Variants in WDR70 observed in about 807,000 individuals in gnomAD.
WDR70 encodes the protein WD repeat domain 70.
Under a neutral mutation model 88.6 loss-of-function variants are expected in WDR70, and 53 were observed. That is an observed-to-expected ratio of 0.60 (90% CI 0.48 to 0.75). The LOEUF (loss-of-function observed/expected upper bound fraction) is 0.75. WDR70 is among the 30% of genes least tolerant of loss of function. WDR70 has a pLI of 0.00. For missense variants in WDR70, 610 were observed against 823.2 expected (o/e 0.74, Z 3.17); for synonymous variants, 280 against 270.0 (o/e 1.04, Z -0.36).
chr5:37,729,631 A>G (rs147495383), intron 17 of WDR70, among the ~76,000 whole-genome samples: 2 of 152,180 alleles, frequency 1.3e-5, no homozygotes, highest in African/African-American at 4.8e-5. Flanking sequence ...GTTTGTTTAC[A>G]GTTCTTCTTG....
intron 9 of WDR70, among the ~76,000 whole-genome samples, chr5:37,528,593 C>T (rs937526503): frequency 4.0e-5 from 6 of 151,842 alleles, no homozygotes; most frequent in African/African-American, 1.5e-4. Context: ...CAAACCTGCA[C>T]GTTGTACACA....
chr5:37,392,880 C>T (rs1184260311), intron 4 of WDR70, among the ~76,000 whole-genome samples: 1 of 150,530 alleles, frequency 6.6e-6, no homozygotes, highest in African/African-American at 2.4e-5. Context: ...CTCCTGACCT[C>T]GTGATCTGCT....
intron 9 of WDR70, among the ~76,000 whole-genome samples, chr5:37,586,763 T>C (rs907703131): frequency 2.6e-4 from 39 of 152,166 alleles, no homozygotes; most frequent in Non-Finnish European, 8.8e-5. Context: ...TGCTGCCTAT[T>C]CTCTCAGTGT....
intron 9 of WDR70, among the ~76,000 whole-genome samples, chr5:37,557,959 T>TTTGAAAACTCTTCAAAAGAGC: frequency 2.0e-5 from 3 of 146,506 alleles, no homozygotes; most frequent in Non-Finnish European, 3.0e-5. Context: ...AAAAGAGTAT[T>TTTGAAAACTCTTCAAAAGAGC]ATGTATATTT....
intron 8 of WDR70, among the ~76,000 whole-genome samples, chr5:37,486,939 C>T (rs1420362314): frequency 6.6e-6 from 1 of 152,052 alleles, no homozygotes; most frequent in Non-Finnish European, 1.5e-5. Flanking sequence ...TTGAGAGTTT[C>T]TTTTGCTGTG....
chr5:37,705,774 GTT>G (rs767452575), intron 13 of WDR70, among the ~76,000 whole-genome samples: 10 of 152,188 alleles, frequency 6.6e-5, no homozygotes, highest in Non-Finnish European at 1.5e-4. Context: ...ACTGTGTTGA[GTT>G]TTAATTTGCA....
At chr5:37,567,591 G>A (rs952042003) in intron 9 of WDR70, among the ~76,000 whole-genome samples, 11 of 152,106 alleles carry the variant, frequency 7.2e-5, no homozygotes, top group African/African-American at 2.7e-4. Flanking sequence ...TGTGTCTCAT[G>A]GGCTTTTTCA....
At chr5:37,427,655 C>T (rs975451379) in intron 5 of WDR70, among the ~76,000 whole-genome samples, 4 of 152,016 alleles carry the variant, frequency 2.6e-5, no homozygotes, top group Non-Finnish European at 4.4e-5. Context: ...GTGGGTGGAT[C>T]GCTTGAGGAT....
At chr5:37,414,101 C>T (rs529889277) in intron 5 of WDR70, among the ~76,000 whole-genome samples, 16 of 146,492 alleles carry the variant, frequency 1.1e-4, no homozygotes, top group African/African-American at 2.5e-4. Flanking sequence ...GCCTTGATTG[C>T]GCATTGCACT....
chr5:37,385,946 G>A (rs1748600102), intron 3 of WDR70, among the ~76,000 whole-genome samples: 2 of 151,882 alleles, frequency 1.3e-5, no homozygotes, highest in East Asian at 3.9e-4. Context: ...TGGGACTATA[G>A]GTACCGGACA....
At chr5:37,543,859 C>T (rs1300454157) in intron 9 of WDR70, among the ~76,000 whole-genome samples, 2 of 152,174 alleles carry the variant, frequency 1.3e-5, no homozygotes, top group East Asian at 3.9e-4. Flanking sequence ...ACCTCCGCCT[C>T]CTGGGTTCAG....
chr5:37,486,896 T>G (rs986162055), intron 8 of WDR70, among the ~76,000 whole-genome samples: 2 of 152,064 alleles, frequency 1.3e-5, no homozygotes, highest in Non-Finnish European at 2.9e-5. Flanking sequence ...TTGCAAAAAT[T>G]TCTCCCATTC....
chr5:37,681,002 G>A lies in WDR70; in HGVS notation c.1093-16653G>A, dbSNP rs183763779. On this transcript the variant is annotated intron_variant, in intron 10 of 17. Transcript: ENST00000265107. ...TATCATTAGTAGTTTGATAGGAATA[G>A]CATTGAATCTGTAAATTGCTTTGGG... 1.4e-3 allele frequency among the ~76,000 whole-genome samples: 217 copies of A among 152,286 alleles called. 1 individual carries two copies. The highest frequency in any genetic ancestry group is 2.6e-3 in the Non-Finnish European group (179 of 68,030).
intron 9 of WDR70, among the ~76,000 whole-genome samples, chr5:37,526,511 G>C (rs974473533): frequency 2.6e-5 from 4 of 152,078 alleles, no homozygotes; most frequent in African/African-American, 4.8e-5. Flanking sequence ...TTATGACAAA[G>C]CCACAGCCAA....
At chr5:37,578,057 T>TA (rs5867354) in intron 9 of WDR70, among the ~76,000 whole-genome samples, 116,645 of 152,068 alleles carry the variant, frequency 0.77, 45,210 homozygotes, top group African/African-American at 0.88. Context: ...AAGGAATAGA[T>TA]GGTGAAGGAT....
chr5:37,692,450 G>A (rs1448015973), intron 10 of WDR70, among the ~76,000 whole-genome samples: 1 of 152,156 alleles, frequency 6.6e-6, no homozygotes, highest in Middle Eastern at 3.2e-3. Context: ...GATGAACGTT[G>A]ATGCAAAAAT....
chr5:37,432,563 ATT>A (rs148199087), intron 5 of WDR70, among the ~76,000 whole-genome samples: 37 of 140,722 alleles, frequency 2.6e-4, no homozygotes, highest in African/African-American at 6.3e-4. Flanking sequence ...TAATTTTTGT[ATT>A]TTTTTTTTTT....
At chr5:37,496,539 G>A (rs974753882) in intron 8 of WDR70, among the ~76,000 whole-genome samples, 2 of 152,242 alleles carry the variant, frequency 1.3e-5, no homozygotes, top group Non-Finnish European at 2.9e-5. Context: ...GTGAGACCAA[G>A]AACCCACCAG....
intron 3 of WDR70, among the ~76,000 whole-genome samples, chr5:37,384,660 CAA>C (rs70978807): frequency 2.9e-4 from 17 of 59,460 alleles, no homozygotes; most frequent in African/African-American, 8.2e-4. Flanking sequence ...ACTCTTGTCT[CAA>C]AAAAAAAAAA....
Sources: allele counts gnomAD v4.1 joint callset (sites outside exome capture counted in the v4.1 genomes callset), GRCh38; gene constraint gnomAD v4.1.1; transcripts MANE v1.5; gene names NCBI Gene and HGNC (gene_info 2026-07-23, HGNC 2026-07-21).